Variants in NLGN1 observed in about 807,000 individuals in gnomAD.
NLGN1 encodes neuroligin 1, also known as neuroligin-1.
A neutral mutation model predicts 65.5 loss-of-function variants in NLGN1; 12 were observed. That is an observed-to-expected ratio of 0.18 (90% CI 0.12 to 0.30). The LOEUF is 0.30. NLGN1 is among the 10% of genes least tolerant of loss of function. The pLI, the probability that NLGN1 is intolerant of heterozygous loss-of-function variation, is 1.00. For synonymous variants in NLGN1, 350 were observed against 359.5 expected (o/e 0.97, Z 0.30); for missense variants, 750 against 1,007.1 (o/e 0.74, Z 3.46).
At chr3:173,474,010 CA>C (rs1291016821) in intron 2 of NLGN1, among the ~76,000 whole-genome samples, 1 of 152,120 alleles carries the variant, frequency 6.6e-6, no homozygotes, top group Non-Finnish European at 1.5e-5. Flanking sequence ...GCCTCAAACC[CA>C]GGGCTAGAAA....
chr3:173,747,795 C>CTTCTTTTTTTT (rs1560289220), intron 3 of NLGN1, among the ~76,000 whole-genome samples: 25 of 78,602 alleles, frequency 3.2e-4, no homozygotes, highest in African/African-American at 1.5e-3. Context: ...TCTTCTTCTT[C>CTTCTTTTTTTT]TTGTTCTTTT....
chr3:174,130,488 C>T (rs1719941601), intron 4 of NLGN1, among the ~76,000 whole-genome samples: 1 of 151,970 alleles, frequency 6.6e-6, no homozygotes, highest in Non-Finnish European at 1.5e-5. Context: ...TCTAAGTCCT[C>T]GAGAATCTAA....
chr3:173,445,968 A>G (rs1181599030), intron 2 of NLGN1, among the ~76,000 whole-genome samples: 2 of 152,188 alleles, frequency 1.3e-5, no homozygotes, highest in Non-Finnish European at 2.9e-5. Flanking sequence ...CCTTACTGTG[A>G]GCAGATTACC....
chr3:173,840,916 T>G (rs1413226697), intron 4 of NLGN1, among the ~76,000 whole-genome samples: 1 of 152,102 alleles, frequency 6.6e-6, no homozygotes, highest in African/African-American at 2.4e-5. Flanking sequence ...CACGTTAACA[T>G]CCTCACAACT....
intron 2 of NLGN1, among the ~76,000 whole-genome samples, chr3:173,492,766 G>T (rs887710101): frequency 6.6e-6 from 1 of 151,806 alleles, no homozygotes; most frequent in Non-Finnish European, 1.5e-5. Flanking sequence ...ACCAAAGAAG[G>T]AAAGAGGAAT....
At chr3:173,751,121 G>C (rs773821902) in intron 3 of NLGN1, among the ~76,000 whole-genome samples, 1 of 152,028 alleles carries the variant, frequency 6.6e-6, no homozygotes, top group Non-Finnish European at 1.5e-5. Flanking sequence ...TAGAAGTATA[G>C]CTTCAAGTTT....
chr3:173,822,282 A>G (rs1346767861), intron 4 of NLGN1, among the ~76,000 whole-genome samples: 1 of 152,104 alleles, frequency 6.6e-6, no homozygotes, highest in Non-Finnish European at 1.5e-5. Context: ...GCTTTTCTCT[A>G]CCTATTCAGA....
chr3:173,899,512 A>T (rs1736945072), intron 4 of NLGN1, among the ~76,000 whole-genome samples: 1 of 152,174 alleles, frequency 6.6e-6, no homozygotes, highest in Admixed American at 6.5e-5. Flanking sequence ...CCAATAGGCC[A>T]AACCTGGCCT....
chr3:174,235,160 A>T (rs116337488), intron 4 of NLGN1, among the ~76,000 whole-genome samples: 17 of 151,986 alleles, frequency 1.1e-4, no homozygotes, highest in Non-Finnish European at 2.1e-4. Context: ...TATGTCCAGG[A>T]GTTTGCAGTT....
chr3:174,114,669 T>C (rs902555016), intron 4 of NLGN1, among the ~76,000 whole-genome samples: 1 of 152,178 alleles, frequency 6.6e-6, no homozygotes, highest in Non-Finnish European at 1.5e-5. Flanking sequence ...CTTCTAGTGA[T>C]GTTTGTCATA....
intron 3 of NLGN1, among the ~76,000 whole-genome samples, chr3:173,663,194 CT>C (rs1369999898): frequency 6.6e-6 from 1 of 151,872 alleles, no homozygotes; most frequent in East Asian, 1.9e-4. Flanking sequence ...TCTCAGTGCT[CT>C]CATCTGAAAA....
At chr3:174,114,859 T>C (rs923053279) in intron 4 of NLGN1, among the ~76,000 whole-genome samples, 1 of 152,148 alleles carries the variant, frequency 6.6e-6, no homozygotes, top group Non-Finnish European at 1.5e-5. Flanking sequence ...ATCAGGAATC[T>C]CTGACTTTCC....
At chr3:173,581,551 T>C (rs1417296631) in intron 2 of NLGN1, among the ~76,000 whole-genome samples, 2 of 152,006 alleles carry the variant, frequency 1.3e-5, no homozygotes, top group Non-Finnish European at 2.9e-5. Context: ...GGATTACATA[T>C]ATATTTTTTT....
chr3:174,178,161 ACTAT>A (rs1279575427), intron 4 of NLGN1, among the ~76,000 whole-genome samples: 1 of 152,104 alleles, frequency 6.6e-6, no homozygotes, highest in Non-Finnish European at 1.5e-5. Context: ...AGGAATGCAC[ACTAT>A]CTAGTGAACT....
At chr3:173,501,030 T>A (rs1204649118) in intron 2 of NLGN1, among the ~76,000 whole-genome samples, 1 of 152,192 alleles carries the variant, frequency 6.6e-6, no homozygotes, top group Non-Finnish European at 1.5e-5. Flanking sequence ...GTTAGTATCT[T>A]CGAAATTGAC....
chr3:174,234,773 A>G (rs1273451300), intron 4 of NLGN1, among the ~76,000 whole-genome samples: 3 of 152,176 alleles, frequency 2.0e-5, no homozygotes, highest in Admixed American at 6.5e-5. Context: ...ACAAAAGCAT[A>G]TGAAATTTAG....
chr3:173,881,722 T>C (rs1444441597), intron 4 of NLGN1, among the ~76,000 whole-genome samples: 1 of 152,272 alleles, frequency 6.6e-6, no homozygotes, highest in African/African-American at 2.4e-5. Context: ...TAGTTCTTGT[T>C]CTATTTCCAT....
chr3:173,431,757 T>C (rs1267887850), intron 1 of NLGN1, among the ~76,000 whole-genome samples: 1 of 152,176 alleles, frequency 6.6e-6, no homozygotes, highest in African/African-American at 2.4e-5. Flanking sequence ...TCATTAGGAA[T>C]GAATGTTGGT....
intron 3 of NLGN1, among the ~76,000 whole-genome samples, chr3:173,765,403 A>T (rs1778627075): frequency 6.6e-6 from 1 of 152,168 alleles, no homozygotes; most frequent in African/African-American, 2.4e-5. Context: ...CTTTATCTGG[A>T]GAAATGGTAA....
Sources: allele counts gnomAD v4.1 joint callset (sites outside exome capture counted in the v4.1 genomes callset), GRCh38; gene constraint gnomAD v4.1.1; transcripts MANE v1.5; gene names NCBI Gene and HGNC (gene_info 2026-07-23, HGNC 2026-07-21).